Variants in TBC1D16 observed in about 807,000 individuals in gnomAD.
TBC1D16 encodes TBC1 domain family member 16.
A neutral mutation model predicts 74.7 loss-of-function variants in TBC1D16; 58 were observed. The ratio of observed to expected loss-of-function variants is 0.78; its 90% CI spans 0.63 to 0.97. TBC1D16 has a LOEUF of 0.97. Among genes scored for constraint, TBC1D16 ranks in the 50% least tolerant of loss-of-function variants. The pLI is 0.00. For synonymous variants in TBC1D16, 493 were observed against 474.7 expected (o/e 1.04, Z -0.50); for missense variants, 1,014 against 1,079.5 (o/e 0.94, Z 0.85).
rs573961379 is a variant in TBC1D16, at chr17:79,954,359, GC to G, written c.780-1542del. On this transcript the variant is annotated intron_variant, in intron 3 of 11. Coordinates refer to ENST00000310924, the MANE Select transcript of TBC1D16 (RefSeq NM_019020.4). The surrounding 1 kb of genome is among the most constrained non-coding windows in gnomAD (Gnocchi z 5.5). ...GAGAAACCTGACTGGCCTTTCTAGA[GC>G]CCTCTACTGCGTCAGGCATAGCCCT... is the stretch of plus-strand genomic sequence containing the variant. 1.3e-4 allele frequency among the ~76,000 whole-genome samples: 20 copies of G among 152,292 alleles called. No individual in the cohort carries two copies. In the South Asian group the frequency reaches 3.3e-3, roughly 25 times the overall value.
At position 79,948,998 on chromosome 17, in the gene TBC1D16, A is replaced by G; in HGVS notation, c.1415T>C (p.Met472Thr). ...YSEIQQKRLS[M>T]TPEEHRAFWR... ...GAACGCTCTGTGCTCCTCGGGAGTC[A>G]TGGAGAGCCTGTGTGGAGCCGAGCA... Residue 472 changes from methionine to threonine, a missense_variant, in exon 8 of 12, where the codon ATG (methionine) becomes ACG (threonine). Coordinates refer to ENST00000310924, the MANE Select transcript of TBC1D16 (RefSeq NM_019020.4). The G allele has an allele frequency of 1.2e-6, 2 of 1,614,102 alleles. No individual in the cohort carries two copies. The highest frequency in any genetic ancestry group is 1.7e-4 in the Middle Eastern group (1 of 6,058).
Position 79,988,064 on chromosome 17 carries a change from G to T in TBC1D16, c.779+22096C>A, listed in dbSNP as rs1326547958. Among the ~76,000 whole-genome samples, 1 of 152,160 alleles carries T rather than the reference G, an allele frequency of 6.6e-6. No individual in the cohort carries two copies. Among genetic ancestry groups the T allele is most frequent in the Non-Finnish European group, 1.5e-5 (1 of 68,026 alleles). On this transcript the variant is annotated intron_variant, in intron 3 of 11. Coordinates refer to ENST00000310924, the MANE Select transcript of TBC1D16 (RefSeq NM_019020.4). This position sits in a 1 kb window ranked among gnomAD's most constrained non-coding sequence, Gnocchi z 5.7. ...GAGACGATATTCAATATTTCCTTCTGATTCAAACGAAATACTTCTAAGTTC... is the reference window on the plus strand; with the variant it reads ...GAGACGATATTCAATATTTCCTTCTTATTCAAACGAAATACTTCTAAGTTC...
At position 79,944,105 on chromosome 17, in the gene TBC1D16, C is replaced by T. The variant is rs1342863067; in HGVS notation, c.1908+803G>A. 1 of 1,536,040 alleles carries T rather than the reference C, an allele frequency of 6.5e-7. No homozygotes were observed. Among genetic ancestry groups the T allele is most frequent in the South Asian group, 1.2e-5 (1 of 84,058 alleles). On this transcript the variant is annotated intron_variant, in intron 10 of 11. Transcript: ENST00000310924. This position sits in a 1 kb window ranked among gnomAD's most constrained non-coding sequence, Gnocchi z 7.7. The stretch of plus-strand genomic sequence containing the variant: ...AGACTCGCTTTCATCAGACATCAGC[C>T]CCCTGCGGTGTGAGTGAGGACAGGA...
intron 1 of TBC1D16, among the ~76,000 whole-genome samples, chr17:80,026,778 C>A (rs1052628254): frequency 6.7e-6 from 1 of 149,750 alleles, no homozygotes; most frequent in Non-Finnish European, 1.5e-5. Context: ...TGGAGTCCTG[C>A]GGGGTTTGAG....
intron 3 of TBC1D16, among the ~76,000 whole-genome samples, chr17:79,963,187 C>T (rs572711708): frequency 1.3e-5 from 2 of 150,258 alleles, no homozygotes; most frequent in African/African-American, 2.5e-5. Flanking sequence ...ACTGCACTGC[C>T]GCCTGGGTGA....
chr17:80,029,148 G>A (rs562856052), intron 1 of TBC1D16, among the ~76,000 whole-genome samples: 33 of 152,244 alleles, frequency 2.2e-4, no homozygotes, highest in Admixed American at 3.3e-4. Flanking sequence ...GCATGGAGTC[G>A]CAGCACCTGC....
In TBC1D16 at chr17:79,944,849, C is replaced by T. The variant is rs776320162; in HGVS notation, c.1908+59G>A. 12 of 1,450,890 alleles carry T rather than the reference C, an allele frequency of 8.3e-6. No homozygotes were observed. In the East Asian group the frequency reaches 2.8e-4, roughly 34 times the overall value. The allele number at this position is 1,450,890 out of a possible 1,614,324, so 89.9% of individuals were successfully genotyped here. On this transcript the variant is annotated intron_variant, in intron 10 of 11. Transcript: ENST00000310924. The surrounding 1 kb of genome is among the most constrained non-coding windows in gnomAD (Gnocchi z 7.7). ...GGACAGGGGCAGCAGGCAGGGTGGC[C>T]ACGGTGGTTCAGGGGCCATGGTCCC...
At chr17:80,022,919 G>A (rs1000811045) in intron 1 of TBC1D16, among the ~76,000 whole-genome samples, 1 of 150,216 alleles carries the variant, frequency 6.7e-6, no homozygotes, top group Non-Finnish European at 1.5e-5. Flanking sequence ...ACAGGCGTGA[G>A]CCACCATGAC....
At position 80,019,223 on chromosome 17, in the gene TBC1D16, T is replaced by G. The variant is rs1233613366; in HGVS notation, c.-62-5614A>C. Among the ~76,000 whole-genome samples, 5 of 150,184 alleles carry G rather than the reference T, an allele frequency of 3.3e-5. 1 individual carries two copies. In the East Asian group the frequency reaches 5.8e-4, roughly 17 times the overall value. On this transcript the variant is annotated intron_variant, in intron 1 of 11. Coordinates refer to ENST00000310924, the MANE Select transcript of TBC1D16 (RefSeq NM_019020.4). ...TTTAAAGGAGATTCCGAAATACAAG[T>G]GTTCAAAATACAGCATTTTCTCCCA...
intron 2 of TBC1D16, among the ~76,000 whole-genome samples, chr17:80,013,163 G>A (rs1055503694): frequency 6.6e-6 from 1 of 152,246 alleles, no homozygotes; most frequent in African/African-American, 2.4e-5. Flanking sequence ...GGAAGCAGCA[G>A]GGCTGAGGGA....
intron 1 of TBC1D16, among the ~76,000 whole-genome samples, chr17:80,032,100 A>G (rs2036794684): frequency 6.6e-6 from 1 of 152,226 alleles, no homozygotes; most frequent in South Asian, 2.1e-4. Context: ...TGGAGCATTG[A>G]ATTCAGGCTC....
rs759392836 is a variant in TBC1D16, at chr17:79,950,480, G to A, written c.1188C>T (p.Leu396=). The part of the protein sequence containing the change: ...THPEESMYKR[L]GVSAWLNHLN... ...GGTGGTTGAGCCAGGCGGAGACGCC[G>A]AGCCTCTTGTACATGCTCTCCTCGG... Residue 396 remains leucine, a synonymous_variant, in exon 6 of 12, where the codon CTC becomes CTT. Transcript: ENST00000310924. The surrounding 1 kb of genome is among the most constrained non-coding windows in gnomAD (Gnocchi z 4.6). 3.7e-6 allele frequency: 6 copies of A among 1,612,942 alleles called. No homozygotes were observed. Among genetic ancestry groups the A allele is most frequent in the African/African-American group, 2.7e-5 (2 of 74,872 alleles).
rs1386324498 is a variant in TBC1D16 at position 79,933,960 on chromosome 17, T to G, written c.*6899A>C. On this transcript the variant is annotated 3_prime_UTR_variant, in exon 12 of 12. Transcript: ENST00000310924. Reference sequence around the variant, plus strand: ...TAGAAGGACCCCAGAGAACTTCCCCTCTGGAGCCTGTGCGGCTGGTTGAGT... The same window carrying G: ...TAGAAGGACCCCAGAGAACTTCCCCGCTGGAGCCTGTGCGGCTGGTTGAGT... 2 of 152,346 alleles carry G rather than the reference T, an allele frequency of 1.3e-5. No individual in the cohort carries two copies. Among genetic ancestry groups the G allele is most frequent in the South Asian group, 2.1e-4 (1 of 4,818 alleles). The allele number at this position is 152,346 out of a possible 1,614,324, so 9.4% of individuals were successfully genotyped here. A position where few individuals can be genotyped will look rare whatever the true frequency, so the allele number is the denominator to read the frequency against.
chr17:79,966,048 C>A (rs2144004365), intron 3 of TBC1D16, among the ~76,000 whole-genome samples: 1 of 152,260 alleles, frequency 6.6e-6, no homozygotes, highest in Middle Eastern at 3.4e-3. Flanking sequence ...GCCAAGGTGC[C>A]AGCAGGCCAC....
At chr17:80,019,259 G>A (rs1164090628) in intron 1 of TBC1D16, among the ~76,000 whole-genome samples, 3 of 150,054 alleles carry the variant, frequency 2.0e-5, no homozygotes, top group African/African-American at 7.6e-5. Flanking sequence ...TACCATGACA[G>A]GCAGAACCTC....
rs1424015628 is a variant in TBC1D16, at chr17:79,932,454, T to A, written c.*8405A>T. The A allele has an allele frequency of 2.0e-5, 3 of 152,296 alleles. No individual in the cohort carries two copies. Among genetic ancestry groups the A allele is most frequent in the African/African-American group, 7.2e-5 (3 of 41,470 alleles). 9.4% of individuals were successfully genotyped at this position (152,296 alleles called of 1,614,324 possible). On this transcript the variant is annotated 3_prime_UTR_variant, in exon 12 of 12. Transcript: ENST00000310924. ...CCAGAATCCTCTGCCCGGTCCCCTG[T>A]AGCTAGTGTCCAGACACTGGTCACA...
intron 3 of TBC1D16, among the ~76,000 whole-genome samples, chr17:79,982,316 T>G (rs551292850): frequency 6.6e-6 from 1 of 151,754 alleles, no homozygotes; most frequent in African/African-American, 2.4e-5. Context: ...CCAGCTAATT[T>G]TGTATTTTTG....
In TBC1D16 at chr17:79,941,666, T is replaced by A. The variant is rs564658801; in HGVS notation, c.2055+394A>T. Among the ~76,000 whole-genome samples the A allele has an allele frequency of 1.3e-5, 2 of 152,226 alleles. No individual in the cohort carries two copies. Among genetic ancestry groups the A allele is most frequent in the South Asian group, 2.1e-4 (1 of 4,820 alleles). On this transcript the variant is annotated intron_variant, in intron 11 of 11. Coordinates refer to ENST00000310924, the MANE Select transcript of TBC1D16 (RefSeq NM_019020.4). This position sits in a 1 kb window ranked among gnomAD's most constrained non-coding sequence, Gnocchi z 4.3. ...GGGCCAAAGCCCAAGGTCCCCAGTA[T>A]TCTGGCCACCCTGTCCCCAGGTCCA...
chr17:79,963,050 C>CAAA (rs563226514), intron 3 of TBC1D16, among the ~76,000 whole-genome samples: 1 of 120,278 alleles, frequency 8.3e-6, no homozygotes, highest in African/African-American at 3.2e-5. Context: ...AACTCCATCT[C>CAAA]AAAAAAAAAA....
Sources: allele counts gnomAD v4.1 joint callset (sites outside exome capture counted in the v4.1 genomes callset), GRCh38; gene constraint gnomAD v4.1.1; non-coding constraint Gnocchi (gnomAD v3.1); transcripts MANE v1.5; gene names NCBI Gene and HGNC (gene_info 2026-07-23, HGNC 2026-07-21).